The following EYA4 variants were observed in gnomAD, a reference collection of about 807,000 sequenced individuals.
EYA4 encodes the protein EYA transcriptional coactivator and phosphatase 4.
A neutral mutation model predicts 87.9 loss-of-function variants in EYA4; 31 were observed. That is an observed-to-expected ratio of 0.35 (90% CI 0.27 to 0.48). The LOEUF is 0.48. EYA4 is among the 20% of genes least tolerant of loss of function. The probability of loss-of-function intolerance (pLI) is 0.99; values close to 1 mark genes in which losing one functional copy is unlikely to be tolerated. For synonymous variants in EYA4, 263 were observed against 270.6 expected (o/e 0.97, Z 0.28); for missense variants, 678 against 761.4 (o/e 0.89, Z 1.29).
At chr6:133,356,791 G>GCA (rs1784080722) in intron 2 of EYA4, among the ~76,000 whole-genome samples, 1 of 112,878 alleles carries the variant, frequency 8.9e-6, no homozygotes, top group African/African-American at 3.2e-5. Flanking sequence ...GTGTGTGTGT[G>GCA]TATATATATA....
Position 133,248,861 on chromosome 6 carries a change from G to C in EYA4, c.-66+7112G>C, listed in dbSNP as rs1017912725. ...ACCTGTCAAGAACGGCAATTCTACT[G>C]TTTTATTTTGTTTTTTTTTTTGTTT... is the stretch of plus-strand genomic sequence containing the variant. On this transcript the variant is annotated intron_variant, in intron 1 of 19. Transcript: ENST00000355286. 8.0e-5 allele frequency: 9 copies of C among 112,536 alleles called. 1 individual carries two copies. In the Admixed American group the frequency reaches 8.5e-4, roughly 11 times the overall value. 7.0% of individuals were successfully genotyped at this position (112,536 alleles called of 1,614,324 possible).
chr6:133,352,603 T>C (rs1048174875), intron 2 of EYA4, among the ~76,000 whole-genome samples: 1 of 152,174 alleles, frequency 6.6e-6, no homozygotes, highest in Non-Finnish European at 1.5e-5. Flanking sequence ...TGAGAATATA[T>C]TTTTTCTTTT....
chr6:133,407,360 G>A (rs1019470584), intron 3 of EYA4, among the ~76,000 whole-genome samples: 2 of 149,340 alleles, frequency 1.3e-5, no homozygotes, highest in African/African-American at 4.9e-5. Flanking sequence ...TGGACTAAAT[G>A]TTGAATGGGA....
chr6:133,292,964 A>G (rs916932247), intron 2 of EYA4, among the ~76,000 whole-genome samples: 6 of 152,160 alleles, frequency 3.9e-5, no homozygotes, highest in African/African-American at 1.4e-4. Context: ...CTTGACACTC[A>G]CTGTCACACA....
chr6:133,455,131 A>G lies in EYA4; in HGVS notation c.278-1425A>G, dbSNP rs147456363. 1.8e-4 allele frequency among the ~76,000 whole-genome samples: 27 copies of G among 152,328 alleles called. No individual in the cohort carries two copies. In the East Asian group the frequency reaches 3.5e-3, roughly 20 times the overall value. On this transcript the variant is annotated intron_variant, in intron 5 of 19. Transcript: ENST00000355286. The stretch of plus-strand genomic sequence containing the variant: ...TCTCAATAAGTATTAGTTTTATAGT[A>G]GTAAATATAAAGGTGATAAAATGAT...
At chr6:133,405,010 C>G (rs1042086785) in intron 3 of EYA4, among the ~76,000 whole-genome samples, 6 of 152,164 alleles carry the variant, frequency 3.9e-5, no homozygotes, top group Non-Finnish European at 8.8e-5. Flanking sequence ...CATAGTCGCT[C>G]TTAGTTCCTC....
chr6:133,439,221 CTT>C (rs1298934527), intron 3 of EYA4: 1 of 152,044 alleles, frequency 6.6e-6, no homozygotes, highest in African/African-American at 2.4e-5. Context: ...TTTCACATCT[CTT>C]TTTCTTCTGT....
intron 3 of EYA4, among the ~76,000 whole-genome samples, chr6:133,421,487 G>A (rs943732077): frequency 2.0e-5 from 3 of 152,200 alleles, no homozygotes; most frequent in African/African-American, 7.2e-5. Context: ...GTGATGATAT[G>A]TCTTATTTAG....
chr6:133,324,779 ATAAAT>A (rs1781362096), intron 2 of EYA4, among the ~76,000 whole-genome samples: 1 of 152,108 alleles, frequency 6.6e-6, no homozygotes, highest in South Asian at 2.1e-4. Flanking sequence ...AAAAATAATA[ATAAAT>A]TAAAAGAAAG....
chr6:133,425,740 T>C (rs1339059221), intron 3 of EYA4, among the ~76,000 whole-genome samples: 1 of 150,732 alleles, frequency 6.6e-6, no homozygotes, highest in Non-Finnish European at 1.5e-5. Context: ...GTCATCTATC[T>C]TGCCTCCTTG....
At chr6:133,246,690 T>C (rs1774436250) in intron 1 of EYA4, among the ~76,000 whole-genome samples, 1 of 152,166 alleles carries the variant, frequency 6.6e-6, no homozygotes, top group Non-Finnish European at 1.5e-5. Context: ...ATAATTACAA[T>C]TTGGCTGTCA....
intron 2 of EYA4, among the ~76,000 whole-genome samples, chr6:133,338,188 A>G (rs576121678): frequency 7.6e-4 from 116 of 152,248 alleles, no homozygotes; most frequent in African/African-American, 2.7e-3. Flanking sequence ...AAATATTTCT[A>G]CCGCAAGTAA....
chr6:133,242,009 A>G (rs929349938), intron 1 of EYA4, among the ~76,000 whole-genome samples: 20 of 152,150 alleles, frequency 1.3e-4, no homozygotes, highest in Non-Finnish European at 2.6e-4. Context: ...CCAAGCCCCA[A>G]GGGTCCCTTC....
chr6:133,257,296 A>G (rs1024651946), intron 1 of EYA4, among the ~76,000 whole-genome samples: 1 of 152,174 alleles, frequency 6.6e-6, no homozygotes, highest in African/African-American at 2.4e-5. Flanking sequence ...TCCTGACTTT[A>G]CCATATAAAC....
At chr6:133,415,286 T>C (rs1034328618) in intron 3 of EYA4, among the ~76,000 whole-genome samples, 1 of 152,180 alleles carries the variant, frequency 6.6e-6, no homozygotes, top group African/African-American at 2.4e-5. Flanking sequence ...TTTTTACCTA[T>C]CTTCTTTTTT....
intron 1 of EYA4, among the ~76,000 whole-genome samples, chr6:133,263,391 A>G (rs1467987171): frequency 1.3e-5 from 2 of 152,046 alleles, no homozygotes; most frequent in African/African-American, 4.8e-5. Flanking sequence ...TGCCATCTTC[A>G]TTTTTGCTCC....
chr6:133,372,583 T>TA (rs1460631167), intron 2 of EYA4, among the ~76,000 whole-genome samples: 2 of 151,810 alleles, frequency 1.3e-5, no homozygotes, highest in African/African-American at 4.8e-5. Context: ...CATTTTTTTT[T>TA]ATTGTATAAA....
intron 2 of EYA4, among the ~76,000 whole-genome samples, chr6:133,313,118 A>T (rs530868043): frequency 6.6e-6 from 1 of 152,290 alleles, no homozygotes; most frequent in East Asian, 1.9e-4. Flanking sequence ...TTTTTTAAAG[A>T]TAGAAGTTAC....
intron 2 of EYA4, among the ~76,000 whole-genome samples, chr6:133,351,985 G>GAAAA (rs11311561): frequency 2.3e-5 from 3 of 130,354 alleles, no homozygotes; most frequent in East Asian, 4.5e-4. Flanking sequence ...CTGTGTTAAA[G>GAAAA]AAAAAAAAAA....
Sources: gnomAD v4.1 joint callset for allele counts (sites outside exome capture counted in the v4.1 genomes callset) on GRCh38, gnomAD v4.1.1 for gene constraint, MANE v1.5 for transcripts, NCBI Gene and HGNC (gene_info 2026-07-23, HGNC 2026-07-21) for gene names.